The following PTPRK variants were observed in gnomAD, a reference collection of about 807,000 sequenced individuals.
PTPRK encodes protein tyrosine phosphatase receptor type K.
A neutral mutation model predicts 178.0 loss-of-function variants in PTPRK; 75 were observed. That is an observed-to-expected ratio of 0.42 (90% CI 0.35 to 0.51). The LOEUF (loss-of-function observed/expected upper bound fraction) is 0.51, where lower values mean the gene tolerates loss of function less well. Ranked by LOEUF, PTPRK falls within the 20% of genes least tolerant of loss-of-function variation. PTPRK has a pLI of 0.02. For missense variants in PTPRK, 1,441 were observed against 1,797.8 expected (o/e 0.80, Z 3.59); for synonymous variants, 637 against 620.6 (o/e 1.03, Z -0.39).
rs1378643619 is a variant in PTPRK, at chr6:128,519,340, C to T, written c.100+919G>A. ...CGGGAGAGCCAGGGTTCACGGACTT[C>T]TCTGAGCGGCTTGACCGAGAACCCC... is the stretch of plus-strand genomic sequence containing the variant. On this transcript the variant is annotated intron_variant, in intron 1 of 29. Coordinates refer to ENST00000368226, the MANE Select transcript of PTPRK (RefSeq NM_002844.4). This position sits in a 1 kb window ranked among gnomAD's most constrained non-coding sequence, Gnocchi z 4.3. Among the ~76,000 whole-genome samples, 1 of 152,222 alleles carries T rather than the reference C, an allele frequency of 6.6e-6. No homozygotes were observed.
chr6:128,124,808 T>C (rs1184130806), intron 7 of PTPRK, among the ~76,000 whole-genome samples: 4 of 152,136 alleles, frequency 2.6e-5, no homozygotes, highest in African/African-American at 9.7e-5. Context: ...AAAAAGAAAT[T>C]CTCCAGCAGA....
chr6:128,206,753 G>A (rs1375183278), intron 6 of PTPRK, among the ~76,000 whole-genome samples: 1 of 151,976 alleles, frequency 6.6e-6, no homozygotes, highest in African/African-American at 2.4e-5. Flanking sequence ...TAATTGCTGT[G>A]ACTATTCCAG....
intron 22 of PTPRK, 60 bp from the exon 23 acceptor site, chr6:127,983,437 T>C: frequency 6.4e-7 from 1 of 1,561,270 alleles, no homozygotes; most frequent in Non-Finnish European, 8.7e-7. Flanking sequence ...TAACCTTAAA[T>C]AAGGACTTTT....
At chr6:128,032,524 T>C (rs1406118254) in intron 13 of PTPRK, among the ~76,000 whole-genome samples, 2 of 152,156 alleles carry the variant, frequency 1.3e-5, no homozygotes, top group Non-Finnish European at 2.9e-5. Context: ...TTAAATCAAA[T>C]ATATGAGTCA....
At chr6:128,121,644 T>C (rs1792484885) in intron 7 of PTPRK, among the ~76,000 whole-genome samples, 1 of 152,056 alleles carries the variant, frequency 6.6e-6, no homozygotes, top group Admixed American at 6.6e-5. Context: ...TAAGGTAATT[T>C]AAAGAAACTC....
At chr6:128,246,310 T>C (rs1022961356) in intron 3 of PTPRK, among the ~76,000 whole-genome samples, 3 of 152,194 alleles carry the variant, frequency 2.0e-5, no homozygotes, top group Admixed American at 6.5e-5. Flanking sequence ...GTTTAACTTC[T>C]TGTACTTTAA....
At chr6:128,255,140 G>A (rs1280961896) in intron 3 of PTPRK, among the ~76,000 whole-genome samples, 6 of 152,030 alleles carry the variant, frequency 3.9e-5, no homozygotes, top group Admixed American at 2.0e-4. Flanking sequence ...ACAGGCGCCC[G>A]CCACCATGCC....
chr6:128,025,026 A>G (rs1243076700), intron 13 of PTPRK, among the ~76,000 whole-genome samples: 2 of 152,228 alleles, frequency 1.3e-5, no homozygotes, highest in African/African-American at 2.4e-5. Flanking sequence ...TTTATTTTGC[A>G]GTACAACAAG....
At chr6:128,274,522 C>T (rs1000793684) in intron 3 of PTPRK, among the ~76,000 whole-genome samples, 4 of 152,078 alleles carry the variant, frequency 2.6e-5, no homozygotes, top group Non-Finnish European at 5.9e-5. Context: ...CCGGGATCTA[C>T]AATTTCATGA....
At chr6:128,478,582 G>A (rs763691267) in intron 1 of PTPRK, among the ~76,000 whole-genome samples, 3 of 152,050 alleles carry the variant, frequency 2.0e-5, no homozygotes, top group Non-Finnish European at 2.9e-5. Context: ...TGCCACTCTC[G>A]GAAAGAGATG....
chr6:128,104,086 C>T (rs897384403), intron 7 of PTPRK, among the ~76,000 whole-genome samples: 13 of 152,206 alleles, frequency 8.5e-5, no homozygotes, highest in African/African-American at 3.1e-4. Context: ...GTCTCCTTTC[C>T]TCGCCTCCTG....
At chr6:128,408,281 A>C (rs1399138475) in intron 1 of PTPRK, among the ~76,000 whole-genome samples, 1 of 152,036 alleles carries the variant, frequency 6.6e-6, no homozygotes, top group African/African-American at 2.4e-5. Flanking sequence ...CCAGCTACTC[A>C]GGAGGCTGAG....
intron 1 of PTPRK, among the ~76,000 whole-genome samples, chr6:128,425,079 C>CT (rs1157646907): frequency 0.14 from 18,484 of 134,030 alleles, 2,085 homozygotes; most frequent in African/African-American, 0.31. Context: ...AATGTGTAGT[C>CT]TTTTTTTTTT....
intron 1 of PTPRK, among the ~76,000 whole-genome samples, chr6:128,464,639 A>ATATATATATATATGTATATG (rs1491376779): frequency 2.2e-4 from 1 of 4,498 alleles, no homozygotes; most frequent in East Asian, 2.2e-3. Flanking sequence ...ATATATACAC[A>ATATATATATATATGTATATG]TATATATATA....
At chr6:128,308,642 G>A (rs1437200250) in intron 3 of PTPRK, among the ~76,000 whole-genome samples, 10 of 152,106 alleles carry the variant, frequency 6.6e-5, no homozygotes, top group African/African-American at 2.2e-4. Flanking sequence ...TATCTCATCA[G>A]AAGACAGCAA....
At chr6:128,317,033 G>A (rs938848888) in intron 3 of PTPRK, among the ~76,000 whole-genome samples, 8 of 152,188 alleles carry the variant, frequency 5.3e-5, no homozygotes, top group African/African-American at 1.9e-4. Context: ...TCAAATAAAA[G>A]GTATTTTGCC....
chr6:128,175,472 G>T (rs965924583), intron 7 of PTPRK, among the ~76,000 whole-genome samples: 1 of 151,660 alleles, frequency 6.6e-6, no homozygotes, highest in South Asian at 2.1e-4. Flanking sequence ...CATAAGAATG[G>T]TTACATACAT....
At chr6:128,155,669 C>A (rs549047392) in intron 7 of PTPRK, among the ~76,000 whole-genome samples, 2 of 151,762 alleles carry the variant, frequency 1.3e-5, no homozygotes, top group African/African-American at 4.8e-5. Flanking sequence ...TTATGTGATT[C>A]AGTCCATTAC....
chr6:128,310,700 T>G (rs1827116224), intron 3 of PTPRK, among the ~76,000 whole-genome samples: 1 of 152,136 alleles, frequency 6.6e-6, no homozygotes, highest in African/African-American at 2.4e-5. Flanking sequence ...ATCAATGGAG[T>G]ACTCTTGGCT....
Sources: allele counts gnomAD v4.1 joint callset (sites outside exome capture counted in the v4.1 genomes callset), GRCh38; gene constraint gnomAD v4.1.1; non-coding constraint Gnocchi (gnomAD v3.1); transcripts MANE v1.5; gene names NCBI Gene and HGNC (gene_info 2026-07-23, HGNC 2026-07-21).